PLCL1: variants seen among roughly 807,000 people sequenced by gnomAD.
The protein encoded by PLCL1 is inactive phospholipase C-like protein 1.
Under a neutral mutation model 84.4 loss-of-function variants are expected in PLCL1, and 41 were observed. That is an observed-to-expected ratio of 0.49 (90% CI 0.38 to 0.63). The LOEUF is 0.63. Ranked by LOEUF, PLCL1 falls within the 30% of genes least tolerant of loss-of-function variation. The pLI is 0.00. For synonymous variants in PLCL1, 490 were observed against 488.3 expected (o/e 1.00, Z -0.05); for missense variants, 1,206 against 1,367.8 (o/e 0.88, Z 1.87).
intron 1 of PLCL1, among the ~76,000 whole-genome samples, chr2:197,821,252 A>C (rs1267741477): frequency 6.6e-6 from 1 of 152,154 alleles, no homozygotes; most frequent in African/African-American, 2.4e-5. Flanking sequence ...TGAACTTAAA[A>C]TTTCACTATA....
rs148314634 is a variant in PLCL1, at chr2:197,897,373, A to G, written c.240+92034A>G. Among the ~76,000 whole-genome samples the G allele has an allele frequency of 5.4e-3, 826 of 152,192 alleles. 4 individuals carry two copies. Among genetic ancestry groups the G allele is most frequent in the Non-Finnish European group, 9.4e-3 (637 of 68,010 alleles). On this transcript the variant is annotated intron_variant, in intron 1 of 5. Transcript: ENST00000428675. ...TGAATTTGCATTATTGTAGAAGACA[A>G]TGGAGGCAATATAGAGTGTTTGTGG... is the stretch of plus-strand genomic sequence containing the variant.
At position 198,062,356 on chromosome 2, in the gene PLCL1, C is replaced by A. The variant is rs570027147; in HGVS notation, c.241-21402C>A. Among the ~76,000 whole-genome samples the A allele has an allele frequency of 6.6e-5, 10 of 152,178 alleles. No individual in the cohort carries two copies. The East Asian group carries it at 1.7e-3, about 26-fold the overall frequency. ...GAAATCCTTTATTATGCAAATAAAG[C>A]TTCTTTATTAACTTCTGTATATTTG... On this transcript the variant is annotated intron_variant, in intron 1 of 5. Coordinates refer to ENST00000428675, the MANE Select transcript of PLCL1 (RefSeq NM_006226.4).
intron 1 of PLCL1, among the ~76,000 whole-genome samples, chr2:197,990,518 T>C (rs1574229012): frequency 6.6e-6 from 1 of 152,096 alleles, no homozygotes; most frequent in South Asian, 2.1e-4. Context: ...ATCATGGCAG[T>C]AGGTGAAGGA....
At chr2:197,937,493 C>A (rs1324236300) in intron 1 of PLCL1, among the ~76,000 whole-genome samples, 1 of 152,130 alleles carries the variant, frequency 6.6e-6, no homozygotes. Flanking sequence ...CTTTCACCTC[C>A]TTGGGTAAAA....
intron 1 of PLCL1, among the ~76,000 whole-genome samples, chr2:197,817,383 T>C (rs999978338): frequency 6.6e-6 from 1 of 152,106 alleles, no homozygotes; most frequent in African/African-American, 2.4e-5. Context: ...CACGTGTGTG[T>C]GTGTGTGTAT....
intron 3 of PLCL1, among the ~76,000 whole-genome samples, chr2:198,089,709 A>T (rs558395050): frequency 6.6e-6 from 1 of 152,326 alleles, no homozygotes; most frequent in East Asian, 1.9e-4. Context: ...TATATGCTAA[A>T]TGTTGTCTCT....
intron 1 of PLCL1, among the ~76,000 whole-genome samples, chr2:197,811,004 A>G (rs1339442996): frequency 6.6e-6 from 1 of 152,354 alleles, no homozygotes; most frequent in East Asian, 1.9e-4. Context: ...ATCTAAGGTA[A>G]TAAATCAATA....
At chr2:197,826,109 G>T (rs1168723526) in intron 1 of PLCL1, among the ~76,000 whole-genome samples, 3 of 152,136 alleles carry the variant, frequency 2.0e-5, no homozygotes, top group African/African-American at 7.2e-5. Flanking sequence ...AACAGCAGTG[G>T]ACTGGTGTAT....
At chr2:198,123,574 T>A (rs1386717727) in intron 5 of PLCL1, among the ~76,000 whole-genome samples, 1 of 151,770 alleles carries the variant, frequency 6.6e-6, no homozygotes, top group Non-Finnish European at 1.5e-5. Flanking sequence ...AGCAGTGAGG[T>A]CTCAGAAGAA....
At chr2:197,982,823 A>G (rs1255672970) in intron 1 of PLCL1, among the ~76,000 whole-genome samples, 1 of 152,222 alleles carries the variant, frequency 6.6e-6, no homozygotes, top group Non-Finnish European at 1.5e-5. Context: ...ATCTTTAGCT[A>G]CAAGTCAACT....
rs551879242 is a variant in PLCL1, at chr2:198,067,518, C to T, written c.241-16240C>T. Among the ~76,000 whole-genome samples the T allele has an allele frequency of 6.6e-5, 10 of 151,880 alleles. No individual in the cohort carries two copies. In the East Asian group the frequency reaches 7.7e-4, roughly 12 times the overall value. ...AGTGTAAGTAACAGTTCTTTTTTTT[C>T]AACATTCAGTGAGGGAAAATATCAA... On this transcript the variant is annotated intron_variant, in intron 1 of 5. Coordinates refer to ENST00000428675, the MANE Select transcript of PLCL1 (RefSeq NM_006226.4).
At chr2:198,022,807 A>C (rs992921233) in intron 1 of PLCL1, among the ~76,000 whole-genome samples, 19 of 152,244 alleles carry the variant, frequency 1.2e-4, no homozygotes, top group African/African-American at 4.6e-4. Context: ...CGATATAGTG[A>C]AAATGATCAT....
At chr2:198,143,587 A>C (rs1694441335) in intron 5 of PLCL1, among the ~76,000 whole-genome samples, 2 of 152,166 alleles carry the variant, frequency 1.3e-5, no homozygotes, top group Admixed American at 6.5e-5. Context: ...GATTAGGGAA[A>C]ATTGCTGCAT....
intron 5 of PLCL1, among the ~76,000 whole-genome samples, chr2:198,109,027 A>G (rs1693555725): frequency 6.6e-6 from 1 of 151,816 alleles, no homozygotes; most frequent in Non-Finnish European, 1.5e-5. Context: ...CCACCCTCAC[A>G]TGTTAAAAGA....
chr2:197,971,453 G>A (rs942822187), intron 1 of PLCL1, among the ~76,000 whole-genome samples: 1 of 152,182 alleles, frequency 6.6e-6, no homozygotes, highest in Admixed American at 6.5e-5. Context: ...ATAAATTATA[G>A]CTATTGCCAT....
intron 1 of PLCL1, among the ~76,000 whole-genome samples, chr2:198,075,963 T>C (rs1692568270): frequency 6.6e-6 from 1 of 152,214 alleles, no homozygotes; most frequent in African/African-American, 2.4e-5. Context: ...CCATTGGATG[T>C]GTATAATAAG....
intron 5 of PLCL1, among the ~76,000 whole-genome samples, chr2:198,143,255 A>G (rs892056150): frequency 2.0e-5 from 3 of 152,084 alleles, no homozygotes; most frequent in African/African-American, 7.2e-5. Context: ...CACAACCTAG[A>G]TCCCTTGCAG....
chr2:197,952,957 T>C (rs1448324688), intron 1 of PLCL1, among the ~76,000 whole-genome samples: 2 of 152,118 alleles, frequency 1.3e-5, no homozygotes, highest in East Asian at 3.9e-4. Flanking sequence ...CTTGGGTATG[T>C]TTTTATCAGC....
chr2:197,885,030 C>G (rs921436214), intron 1 of PLCL1, among the ~76,000 whole-genome samples: 6 of 152,184 alleles, frequency 3.9e-5, no homozygotes, highest in Non-Finnish European at 7.3e-5. Context: ...TCATCTACCC[C>G]TTGTCCCCAG....
Sources: allele counts gnomAD v4.1 joint callset (sites outside exome capture counted in the v4.1 genomes callset), GRCh38; gene constraint gnomAD v4.1.1; transcripts MANE v1.5; gene names NCBI Gene and HGNC (gene_info 2026-07-23, HGNC 2026-07-21).